UQCC1: variants seen among roughly 807,000 people sequenced by gnomAD.
The protein encoded by UQCC1 is ubiquinol-cytochrome c reductase complex assembly factor 1.
A neutral mutation model predicts 48.0 loss-of-function variants in UQCC1; 38 were observed. The ratio of observed to expected loss-of-function variants is 0.79; its 90% CI spans 0.61 to 1.04. The LOEUF (loss-of-function observed/expected upper bound fraction) is 1.04, where lower values mean the gene tolerates loss of function less well. UQCC1 is among the 50% of genes least tolerant of loss of function. The pLI is 0.00. For missense variants in UQCC1, 368 were observed against 381.8 expected, an observed-to-expected ratio of 0.96 and a Z score of 0.30; for synonymous variants, 111 against 129.2, an observed-to-expected ratio of 0.86 and a Z score of 0.95.
At chr20:35,384,961 G>A (rs1257201078) in intron 2 of UQCC1, among the ~76,000 whole-genome samples, 1 of 85,052 alleles carries the variant, frequency 1.2e-5, no homozygotes, top group African/African-American at 4.4e-5. Flanking sequence ...AGCAAGAATC[G>A]GTCTCAAAAA....
chr20:35,315,111 T>C (rs184669383), intron 7 of UQCC1: 141 of 166,964 alleles, frequency 8.4e-4, no homozygotes, highest in African/African-American at 3.3e-3. Context: ...AAAATAATTA[T>C]ACTGCAACAT....
intron 1 of UQCC1, among the ~76,000 whole-genome samples, chr20:35,407,390 T>A (rs1436080962): frequency 6.6e-6 from 1 of 151,106 alleles, no homozygotes; most frequent in Non-Finnish European, 1.5e-5. Flanking sequence ...ATTGTGCCAC[T>A]GCACTCTAGC....
intron 7 of UQCC1, among the ~76,000 whole-genome samples, chr20:35,326,604 G>C (rs1417808338): frequency 6.6e-6 from 1 of 152,118 alleles, no homozygotes; most frequent in African/African-American, 2.4e-5. Context: ...ATGTAGGTCG[G>C]TATCATTACT....
intron 1 of UQCC1, among the ~76,000 whole-genome samples, chr20:35,404,103 C>G (rs890710223): frequency 6.6e-6 from 1 of 151,872 alleles, no homozygotes; most frequent in Non-Finnish European, 1.5e-5. Context: ...CAGGCGTGGC[C>G]GGGCGCAGTG....
intron 7 of UQCC1, among the ~76,000 whole-genome samples, chr20:35,339,074 A>G (rs1317069966): frequency 2.0e-5 from 3 of 151,342 alleles, no homozygotes; most frequent in African/African-American, 7.3e-5. Flanking sequence ...CCCATGAGGC[A>G]GGGCAGAGAA....
intron 2 of UQCC1, among the ~76,000 whole-genome samples, chr20:35,389,965 T>A (rs2061993059): frequency 2.0e-5 from 3 of 152,062 alleles, no homozygotes; most frequent in African/African-American, 7.2e-5. Flanking sequence ...AAAGAAAATA[T>A]ACAATAGAAG....
At chr20:35,376,594 C>A (rs1457279941) in intron 4 of UQCC1, among the ~76,000 whole-genome samples, 1 of 151,572 alleles carries the variant, frequency 6.6e-6, no homozygotes, top group Non-Finnish European at 1.5e-5. Flanking sequence ...TTGGATTTGT[C>A]TTTAAAAACC....
intron 1 of UQCC1, among the ~76,000 whole-genome samples, chr20:35,404,287 G>A (rs1465143411): frequency 4.0e-5 from 6 of 151,766 alleles, no homozygotes; most frequent in African/African-American, 9.7e-5. Flanking sequence ...GGAGAATGGC[G>A]TGAACCCAGG....
chr20:35,330,197 GGCT>G (rs2146344971), intron 7 of UQCC1, among the ~76,000 whole-genome samples: 1 of 152,314 alleles, frequency 6.6e-6, no homozygotes, highest in African/African-American at 2.4e-5. Context: ...TGTGTGTAGT[GGCT>G]CTAGAGAACA....
chr20:35,344,628 T>C (rs140450693), intron 7 of UQCC1: 48 of 152,366 alleles, frequency 3.2e-4, no homozygotes, highest in African/African-American at 1.2e-3. Context: ...GGTAAGTACT[T>C]GAGGGCATGT....
At chr20:35,374,035 A>G (rs2061765898) in intron 5 of UQCC1, 149 bp downstream of exon 5, 2 of 633,974 alleles carry the variant, frequency 3.2e-6, no homozygotes, top group South Asian at 2.2e-5. Context: ...GAAGTTTTTT[A>G]AAGAGACAAA....
intron 6 of UQCC1, among the ~76,000 whole-genome samples, chr20:35,357,517 T>G (rs1356006924): frequency 7.6e-3 from 1 of 132 alleles, no homozygotes; most frequent in African/African-American, 0.05. Flanking sequence ...AGACTCCGTC[T>G]CAAAAAAAAA....
intron 7 of UQCC1, among the ~76,000 whole-genome samples, chr20:35,323,157 G>A (rs1403198969): frequency 6.6e-6 from 1 of 152,198 alleles, no homozygotes; most frequent in African/African-American, 2.4e-5. Context: ...CCAATCTACT[G>A]TCTTTTCTAA....
intron 4 of UQCC1, among the ~76,000 whole-genome samples, chr20:35,378,813 T>G (rs1046952791): frequency 2.0e-5 from 3 of 152,328 alleles, no homozygotes; most frequent in African/African-American, 7.2e-5. Flanking sequence ...GATTCTTATT[T>G]TGCTAAACTT....
chr20:35,367,612 T>C (rs375346903), intron 5 of UQCC1, among the ~76,000 whole-genome samples: 20 of 151,596 alleles, frequency 1.3e-4, no homozygotes, highest in African/African-American at 3.6e-4. Flanking sequence ...CTACAAACAT[T>C]AGCTAGGCAT....
intron 7 of UQCC1, chr20:35,345,304 T>C (rs2061420436): frequency 6.6e-6 from 1 of 152,180 alleles, no homozygotes; most frequent in Non-Finnish European, 1.5e-5. Flanking sequence ...GGCAGTCTTG[T>C]GGGCAGAGCC....
intron 9 of UQCC1, among the ~76,000 whole-genome samples, chr20:35,306,279 C>G (rs1169453531): frequency 1.3e-5 from 2 of 152,154 alleles, no homozygotes; most frequent in Admixed American, 1.3e-4. Flanking sequence ...GAAACAAATC[C>G]AAGTGGGTAG....
chr20:35,306,712 T>G lies in UQCC1; in HGVS notation c.719A>C (p.Glu240Ala), dbSNP rs1461135490. 1 of 1,613,850 alleles carries G rather than the reference T, an allele frequency of 6.2e-7. No individual in the cohort carries two copies. The highest frequency in any genetic ancestry group is 1.3e-5 in the African/African-American group (1 of 74,916). The change falls in exon 9 of 10, where the codon GAA (glutamate) becomes GCA (alanine). Residue 240 changes from glutamate to alanine, a missense_variant. Physicochemically the swap from Glu to Ala is moderately radical, Grantham distance 107 (BLOSUM62 -1). Transcript: ENST00000374385. ...CAGCAATTCAAGATGTCGAGGGTCTTCACATTTCCGGTTGAAGAAGGTTCT... is the reference window on the plus strand; with the variant it reads ...CAGCAATTCAAGATGTCGAGGGTCTGCACATTTCCGGTTGAAGAAGGTTCT... ...LWRTFFNRKC[E>A]DPRHLELLVE... is the part of the protein sequence containing the mutation.
intron 9 of UQCC1, 66 bp downstream of exon 9, chr20:35,306,600 C>T (rs1182862825): frequency 4.8e-6 from 6 of 1,256,740 alleles, no homozygotes; most frequent in Middle Eastern, 1.9e-4. Context: ...CTCATGATCC[C>T]CTGAAAGCCC....
Sources: allele counts gnomAD v4.1 joint callset (sites outside exome capture counted in the v4.1 genomes callset), GRCh38; gene constraint gnomAD v4.1.1; transcripts MANE v1.5; gene names NCBI Gene and HGNC (gene_info 2026-07-23, HGNC 2026-07-21).